Variants in NIN observed in about 807,000 individuals in gnomAD.
NIN encodes the protein ninein, also known as glycogen synthase kinase 3 beta-interacting protein.
NIN carries 137 observed loss-of-function variants against 257.6 expected under a neutral mutation model. The observed-to-expected ratio is 0.53, with a 90% CI of 0.46 to 0.61. NIN has a LOEUF of 0.61. Among genes scored for constraint, NIN ranks in the 20% least tolerant of loss-of-function variants. NIN has a pLI of 0.00. For missense variants in NIN, 2,439 were observed against 2,501.2 expected (o/e 0.98, Z 0.53); for synonymous variants, 918 against 919.8 (o/e 1.00, Z 0.04).
At chr14:50,735,485 C>G in intron 28 of NIN, 31 bp downstream of exon 28, 1 of 1,607,758 alleles carries the variant, frequency 6.2e-7, no homozygotes, top group African/African-American at 1.3e-5. Flanking sequence ...ACATATTCTT[C>G]ATAGCTAAGG....
chr14:50,809,540 A>C (rs528317218), intron 3 of NIN, among the ~76,000 whole-genome samples: 24 of 152,336 alleles, frequency 1.6e-4, no homozygotes, highest in Non-Finnish European at 3.1e-4. Context: ...GGTGTTTGGA[A>C]GATTTCAGAT....
intron 3 of NIN, among the ~76,000 whole-genome samples, chr14:50,814,128 C>A (rs901207555): frequency 3.3e-5 from 5 of 152,060 alleles, no homozygotes; most frequent in African/African-American, 9.7e-5. Context: ...ACTTAATTTA[C>A]TGCAGACAAT....
At chr14:50,811,323 G>T (rs2142277067) in intron 3 of NIN, among the ~76,000 whole-genome samples, 1 of 151,706 alleles carries the variant, frequency 6.6e-6, no homozygotes, top group South Asian at 2.1e-4. Flanking sequence ...TGCCCAGGCT[G>T]GTCTCAAACT....
chr14:50,816,208 C>G (rs955353927), intron 3 of NIN, among the ~76,000 whole-genome samples: 8 of 149,964 alleles, frequency 5.3e-5, no homozygotes, highest in African/African-American at 2.0e-4. Context: ...CACATTGGAC[C>G]TGTGAGGTGG....
intron 27 of NIN, 76 bp downstream of exon 27, chr14:50,738,064 C>T: frequency 7.0e-7 from 1 of 1,429,980 alleles, no homozygotes; most frequent in Non-Finnish European, 9.6e-7. Flanking sequence ...CTTAGAAGTA[C>T]ACCTGAGAAG....
intron 28 of NIN, among the ~76,000 whole-genome samples, chr14:50,733,285 GT>G (rs2040811805): frequency 6.6e-6 from 1 of 152,022 alleles, no homozygotes; most frequent in Admixed American, 6.5e-5. Context: ...TAGAGATGAG[GT>G]TTCACCATGT....
At chr14:50,725,086 G>C (rs1328736399) in intron 30 of NIN, among the ~76,000 whole-genome samples, 1 of 152,124 alleles carries the variant, frequency 6.6e-6, no homozygotes, top group Non-Finnish European at 1.5e-5. Flanking sequence ...AGAACTGAAT[G>C]GATAAATGCT....
chr14:50,778,915 G>T, intron 5 of NIN, 111 bp from the exon 6 acceptor site: 1 of 1,136,538 alleles, frequency 8.8e-7, no homozygotes, highest in Non-Finnish European at 1.3e-6. Context: ...ATCTAAGTGA[G>T]TCACATAATT....
intron 14 of NIN, among the ~76,000 whole-genome samples, chr14:50,765,077 A>T (rs2042423644): frequency 2.0e-5 from 3 of 149,430 alleles, no homozygotes; most frequent in Admixed American, 6.6e-5. Flanking sequence ...AAAAAAAAAA[A>T]AAAAAAAAAA....
chr14:50,793,958 G>C (rs1180354910), intron 4 of NIN, among the ~76,000 whole-genome samples: 1 of 152,148 alleles, frequency 6.6e-6, no homozygotes, highest in East Asian at 1.9e-4. Flanking sequence ...CTCGAGAACA[G>C]ATATGTATTC....
At chr14:50,778,912 T>A in intron 5 of NIN, 108 bp from the exon 6 acceptor site, 1 of 1,154,494 alleles carries the variant, frequency 8.7e-7, no homozygotes, top group Non-Finnish European at 1.3e-6. Flanking sequence ...ATCATCTAAG[T>A]GAGTCACATA....
chr14:50,727,689 T>C, intron 29 of NIN: 1 of 1,440,702 alleles, frequency 6.9e-7, no homozygotes. Flanking sequence ...AGCCCAGTTT[T>C]CACAGGTGCC....
At chr14:50,730,740 TA>T (rs2140360189) in intron 28 of NIN, 1 of 166,166 alleles carries the variant, frequency 6.0e-6, no homozygotes, top group East Asian at 1.9e-4. Context: ...TCTTCATATA[TA>T]ATGCTTTAAA....
At position 50,758,536 on chromosome 14, in the gene NIN, C is replaced by A. The variant is rs370154746; in HGVS notation, c.2494G>T (p.Ala832Ser). The change falls in exon 18 of 31, where the codon GCT becomes TCT. Residue 832 changes from alanine to serine, a missense_variant. By Grantham distance (99) the Ala-to-Ser change is moderately conservative. Coordinates refer to ENST00000530997, the MANE Select transcript of NIN (RefSeq NM_020921.4). Reference protein sequence around the residue: ...CQKVTERCESALQSLEGRYRQ... With the variant: ...CQKVTERCESSLQSLEGRYRQ... Reference sequence around the variant, plus strand: ...TAGCGCCCCTCCAGGCTTTGCAGAGCGCTTTCACACCTCTCAGTGACTTTC... The same window carrying A: ...TAGCGCCCCTCCAGGCTTTGCAGAGAGCTTTCACACCTCTCAGTGACTTTC... 1 of 1,614,042 alleles carries A rather than the reference C, an allele frequency of 6.2e-7. No individual in the cohort carries two copies. Among genetic ancestry groups the A allele is most frequent in the Non-Finnish European group, 8.5e-7 (1 of 1,179,970 alleles).
At chr14:50,787,222 GT>G (rs2043383922) in intron 5 of NIN, among the ~76,000 whole-genome samples, 1 of 152,224 alleles carries the variant, frequency 6.6e-6, no homozygotes, top group Admixed American at 6.5e-5. Context: ...GAGGAAAACA[GT>G]TAACAAGGTG....
chr14:50,757,941 G>A lies in NIN; in HGVS notation c.3089C>T (p.Ser1030Leu). 6.2e-7 allele frequency: 1 copy of A among 1,614,118 alleles called. No homozygotes were observed. Among genetic ancestry groups the A allele is most frequent in the African/African-American group, 1.3e-5 (1 of 75,040 alleles). Residue 1030 changes from serine (S) to leucine (L), a missense_variant, in exon 18 of 31, where the codon TCA becomes TTA. By Grantham distance (145) the Ser-to-Leu change is moderately radical. This residue lies in a region of NIN where 2,043 missense variants were observed against 2,050.2 expected (regional missense o/e 1.00). Transcript: ENST00000530997. ...KEMQQATSPL[S>L]MLQSGCQVIG... ...CACCTGGCAACCACTCTGAAGCATT[G>A]AGAGAGGAGATGTTGCCTGCTGCAT...
intron 30 of NIN, chr14:50,723,995 A>G (rs900365276): frequency 1.1e-5 from 3 of 277,210 alleles, no homozygotes; most frequent in East Asian, 6.8e-5. Flanking sequence ...AATATCAAAT[A>G]CTTTTATAAC....
At chr14:50,728,723 A>G (rs2040538139) in intron 29 of NIN, among the ~76,000 whole-genome samples, 1 of 152,264 alleles carries the variant, frequency 6.6e-6, no homozygotes, top group South Asian at 2.1e-4. Flanking sequence ...TGCAAGAGTT[A>G]AACTTCTGAG....
intron 28 of NIN, 131 bp downstream of exon 28, chr14:50,735,385 G>T (rs1433075000): frequency 6.1e-6 from 8 of 1,317,476 alleles, no homozygotes; most frequent in African/African-American, 4.5e-5. Flanking sequence ...GCGGACCAAA[G>T]AATTCAACTT....
Sources: gnomAD v4.1 joint callset for allele counts (sites outside exome capture counted in the v4.1 genomes callset) on GRCh38, gnomAD v4.1.1 for gene constraint, gnomAD v4.1.1 regional missense constraint, MANE v1.5 for transcripts, NCBI Gene and HGNC (gene_info 2026-07-23, HGNC 2026-07-21) for gene names.